The following ZNF266 variants were observed in gnomAD, a reference collection of about 807,000 sequenced individuals.
ZNF266 encodes the protein zinc finger protein 266.
A neutral mutation model predicts 16.4 loss-of-function variants in ZNF266; 16 were observed. The ratio of observed to expected loss-of-function variants is 0.98; its 90% CI spans 0.66 to 1.48. The LOEUF is 1.48. Among genes scored for constraint, ZNF266 ranks in the 40% most tolerant of loss-of-function variants. The pLI is 0.00. For synonymous variants in ZNF266, 262 were observed against 237.9 expected (o/e 1.10, Z -0.93); for missense variants, 738 against 689.1 (o/e 1.07, Z -0.79).
intron 5 of ZNF266, among the ~76,000 whole-genome samples, chr19:9,430,732 A>G (rs1224962626): frequency 6.6e-6 from 1 of 152,126 alleles, no homozygotes; most frequent in African/African-American, 2.4e-5. Flanking sequence ...GCTGCTGACC[A>G]TAATGAAACC....
chr19:9,421,388 G>A (rs1312297272), intron 5 of ZNF266, among the ~76,000 whole-genome samples: 1 of 152,204 alleles, frequency 6.6e-6, no homozygotes, highest in Non-Finnish European at 1.5e-5. Flanking sequence ...AACCAATTAT[G>A]TTATTTTAAA....
intron 8 of ZNF266, 139 bp from the exon 9 acceptor site, chr19:9,418,047 G>A: frequency 2.3e-6 from 2 of 865,622 alleles, no homozygotes; most frequent in Non-Finnish European, 3.6e-6. Context: ...TCGTCTGTCT[G>A]TGCCCCCAAA....
At chr19:9,425,935 T>C (rs561379540) in intron 5 of ZNF266, among the ~76,000 whole-genome samples, 184 of 152,170 alleles carry the variant, frequency 1.2e-3, no homozygotes, top group Non-Finnish European at 2.1e-3. Context: ...GCTGGGCCAA[T>C]CAAAGGGTTA....
chr19:9,417,429 A>T (rs148931362), intron 9 of ZNF266, among the ~76,000 whole-genome samples: 5 of 151,614 alleles, frequency 3.3e-5, no homozygotes, highest in Non-Finnish European at 5.9e-5. Flanking sequence ...AGCACATCTT[A>T]AAAAGTTTCC....
Position 9,415,709 on chromosome 19 carries a change from T to G in ZNF266, c.350A>C (p.Glu117Ala). Reference sequence around the variant, plus strand: ...CAAAACATCCTGCTGAAGGGCTAACTCTTTGGTTTTAAGTTGCACTTTCCA... The same window carrying G: ...CAAAACATCCTGCTGAAGGGCTAACGCTTTGGTTTTAAGTTGCACTTTCCA... ...SEWKVQLKTKELALQQDVLGE... is the reference protein window; with the variant it reads ...SEWKVQLKTKALALQQDVLGE... The change falls in exon 10 of 11, where the codon GAG (glutamate) becomes GCG (alanine). Residue 117 changes from glutamate (E) to alanine (A), a missense_variant. Coordinates refer to ENST00000592904, the MANE Select transcript of ZNF266 (RefSeq NM_001370374.1). The G allele has an allele frequency of 1.2e-6, 2 of 1,613,384 alleles. No homozygotes were observed. The highest frequency in any genetic ancestry group is 1.7e-6 in the Non-Finnish European group (2 of 1,179,468).
In ZNF266 at chr19:9,414,502, G is replaced by A; in HGVS notation, c.624C>T (p.Asn208=). The A allele has an allele frequency of 6.2e-7, 1 of 1,614,202 alleles. No homozygotes were observed. The highest frequency in any genetic ancestry group is 1.3e-5 in the African/African-American group (1 of 75,052). Residue 208 remains asparagine, a synonymous_variant, in exon 11 of 11, where the codon AAC becomes AAT. Transcript: ENST00000592904. ...ACGTTCTCTGGCAAACAACATCTGG[G>A]TTCAGGCTGAAGGCTTTTCCACACT... ...FSQCGKAFSL[N]PDVVCQRTCT...
At chr19:9,433,271 T>G (rs10426192) in intron 5 of ZNF266, among the ~76,000 whole-genome samples, 1 of 152,206 alleles carries the variant, frequency 6.6e-6, no homozygotes, top group African/African-American at 2.4e-5. Flanking sequence ...CCTTCACAGC[T>G]TTTTGGCAGC....
At chr19:9,418,669 C>T (rs2069419677) in intron 7 of ZNF266, 38 bp from the exon 8 acceptor site, 1 of 1,049,282 alleles carries the variant, frequency 9.5e-7, no homozygotes, top group South Asian at 1.3e-5. Context: ...AGCCACAAAA[C>T]ATGTCTACCA....
intron 5 of ZNF266, chr19:9,420,424 C>T (rs2069680672): frequency 6.6e-6 from 1 of 152,148 alleles, no homozygotes. Flanking sequence ...ATCATAACCA[C>T]CCTTTACAGT....
At chr19:9,420,966 C>T (rs1312710956) in intron 5 of ZNF266, among the ~76,000 whole-genome samples, 1 of 152,070 alleles carries the variant, frequency 6.6e-6, no homozygotes, top group Admixed American at 6.5e-5. Context: ...GGTCACTACC[C>T]ACATGTGTTA....
chr19:9,418,175 G>T (rs2069348248), intron 8 of ZNF266, among the ~76,000 whole-genome samples: 1 of 152,160 alleles, frequency 6.6e-6, no homozygotes, highest in African/African-American at 2.4e-5. Flanking sequence ...TCATTCTCAT[G>T]GGAAACAACT....
intron 8 of ZNF266, among the ~76,000 whole-genome samples, chr19:9,418,150 G>A (rs1249308247): frequency 6.6e-6 from 1 of 152,210 alleles, no homozygotes; most frequent in Non-Finnish European, 1.5e-5. Flanking sequence ...GAAGTTAAGT[G>A]AAACAAAGAG....
chr19:9,415,296 G>C (rs956378869), intron 10 of ZNF266, among the ~76,000 whole-genome samples: 2 of 152,074 alleles, frequency 1.3e-5, no homozygotes, highest in African/African-American at 2.4e-5. Flanking sequence ...CTCTGTCTAA[G>C]AAAAAAACAA....
intron 6 of ZNF266, 191 bp from the exon 7 acceptor site, chr19:9,419,490 G>C (rs1180934304): frequency 6.6e-6 from 1 of 152,280 alleles, no homozygotes; most frequent in Non-Finnish European, 1.5e-5. Flanking sequence ...AAAAAGGATA[G>C]TCAGCCATGC....
chr19:9,425,840 G>A (rs1336011154), intron 5 of ZNF266, among the ~76,000 whole-genome samples: 2 of 152,172 alleles, frequency 1.3e-5, no homozygotes, highest in African/African-American at 4.8e-5. Context: ...AGGAACTGCT[G>A]GGCTGGAGGA....
chr19:9,414,419 G>C lies in ZNF266; in HGVS notation c.707C>G (p.Ser236Ter). 1 of 1,614,174 alleles carries C rather than the reference G, an allele frequency of 6.2e-7. No homozygotes were observed. The highest frequency in any genetic ancestry group is 8.5e-7 in the Non-Finnish European group (1 of 1,180,026). ...SDSGKSFINH[S>*]HLQGHLRTHN... ...AGTTCTTAAATGTCCCTGAAGGTGT[G>C]AATGATTAATGAAGGATTTCCCAGA... The change falls in exon 11 of 11, where the codon TCA becomes TGA. Residue 236 changes from serine (S) to a stop codon, truncating the protein, a stop_gained. Transcript: ENST00000592904. LOFTEE classifies it low-confidence loss of function (END_TRUNC).
rs762234592 is a variant in ZNF266 at position 9,414,516 on chromosome 19, C to T, written c.610G>A (p.Ala204Thr). The change falls in exon 11 of 11, where the codon GCC becomes ACC. Residue 204 changes from alanine to threonine, a missense_variant. Transcript: ENST00000592904. ...ACAACATCTGGGTTCAGGCTGAAGGCTTTTCCACACTGACTAAATACAGAA... is the reference window on the plus strand; with the variant it reads ...ACAACATCTGGGTTCAGGCTGAAGGTTTTTCCACACTGACTAAATACAGAA... ...QRSVFSQCGKAFSLNPDVVCQ... is the reference protein window; with the variant it reads ...QRSVFSQCGKTFSLNPDVVCQ... 2.8e-5 allele frequency: 45 copies of T among 1,614,046 alleles called. No individual in the cohort carries two copies. The highest frequency in any genetic ancestry group is 1.6e-4 in the Middle Eastern group (1 of 6,084).
chr19:9,415,494 TCTAGAACTCCTGGCCTCAA>T (rs1957193306), intron 10 of ZNF266, among the ~76,000 whole-genome samples, 141 bp downstream of exon 10: 1 of 152,114 alleles, frequency 6.6e-6, no homozygotes, highest in Admixed American at 6.5e-5. Context: ...ACCAGGCTGG[TCTAGAACTCCTGGCCTCAA>T]GTGATCCTCC....
In ZNF266 at chr19:9,424,235, A is replaced by G. The variant is rs370162499; in HGVS notation, c.-129-4017T>C. On this transcript the variant is annotated intron_variant, in intron 5 of 10. Transcript: ENST00000592904. ...AACCAAGAGGCAAAAAAAAAAAAAAAAAAAAAGAAAAAAGTTAATCTACTG... is the reference window on the plus strand; with the variant it reads ...AACCAAGAGGCAAAAAAAAAAAAAAGAAAAAAGAAAAAAGTTAATCTACTG... 2.4e-3 allele frequency among the ~76,000 whole-genome samples: 237 copies of G among 98,504 alleles called. 2 individuals are homozygous for G. In the East Asian group the frequency reaches 0.03, roughly 13 times the overall value. 64.6% of individuals were successfully genotyped at this position (98,504 alleles called of 152,430 possible). A position where few individuals can be genotyped will look rare whatever the true frequency, so the allele number is the denominator to read the frequency against.
Sources: allele counts gnomAD v4.1 joint callset (sites outside exome capture counted in the v4.1 genomes callset), GRCh38; gene constraint gnomAD v4.1.1; transcripts MANE v1.5; gene names NCBI Gene and HGNC (gene_info 2026-07-23, HGNC 2026-07-21).